FBXO38: variants seen among roughly 807,000 people sequenced by gnomAD.
The protein encoded by FBXO38 is F-box only protein 38.
In FBXO38, 53 loss-of-function variants were observed where a neutral mutation model predicts 131.9. The ratio of observed to expected loss-of-function variants is 0.40; its 90% confidence interval spans 0.32 to 0.51. FBXO38 has a LOEUF of 0.51. Ranked by LOEUF, FBXO38 falls within the 20% of genes least tolerant of loss-of-function variation. The pLI is 0.53. For missense variants in FBXO38, 1,076 were observed against 1,475.6 expected, an observed-to-expected ratio of 0.73 and a Z score of 4.44; for synonymous variants, 452 against 505.6, an observed-to-expected ratio of 0.89 and a Z score of 1.42.
rs915646541 is a variant in FBXO38 at position 148,425,609 on chromosome 5, T to G, written c.1826T>G (p.Leu609Arg). 1 of 1,613,880 alleles carries G rather than the reference T, an allele frequency of 6.2e-7. No individual in the cohort carries two copies. The highest frequency in any genetic ancestry group is 8.5e-7 in the Non-Finnish European group (1 of 1,179,804). Residue 609 changes from leucine to arginine, a missense_variant, in exon 14 of 22, where the codon CTC (leucine) becomes CGC (arginine). Physicochemically the swap from Leu to Arg is moderately radical, Grantham distance 102. Coordinates refer to ENST00000340253, the MANE Select transcript of FBXO38 (RefSeq NM_205836.3). Reference protein sequence around the residue: ...ESDDEEDSLELQEVWIPKNGT... With the variant: ...ESDDEEDSLERQEVWIPKNGT... ...GATGATGAAGAAGATAGTCTAGAAC[T>G]CCAAGAAGTCTGGATTCCTAAGAAC...
intron 3 of FBXO38, among the ~76,000 whole-genome samples, chr5:148,401,738 A>C (rs894109519): frequency 3.9e-5 from 6 of 152,180 alleles, no homozygotes; most frequent in African/African-American, 1.4e-4. Context: ...AGCAACAAAA[A>C]CCAAAAAGTC....
chr5:148,417,034 G>C lies in FBXO38; in HGVS notation c.1448G>C (p.Gly483Ala). 6.2e-7 allele frequency: 1 copy of C among 1,613,904 alleles called. No individual in the cohort carries two copies. Among genetic ancestry groups the C allele is most frequent in the Non-Finnish European group, 8.5e-7 (1 of 1,179,862 alleles). ...GGTCTGAGTGCAGGCACAGGAATTG[G>C]TGTTTCATCAGCTCTTGTTAGCAAC... ...RVGLSAGTGI[G>A]VSSALVSNQN... Residue 483 changes from glycine (G) to alanine (A), a missense_variant, in exon 12 of 22, where the codon GGT becomes GCT. By Grantham distance (60) the Gly-to-Ala change is moderately conservative. Coordinates refer to ENST00000340253, the MANE Select transcript of FBXO38 (RefSeq NM_205836.3).
rs758839843 is a variant in FBXO38, at chr5:148,410,718, A to G, written c.1046A>G (p.Gln349Arg). Residue 349 changes from glutamine (Q) to arginine (R), a missense_variant, in exon 9 of 22, where the codon CAG becomes CGG. Gln to Arg is a conservative substitution (Grantham distance 43, BLOSUM62 1). Around this residue, in one of 8 missense-constraint regions of FBXO38, gnomAD observed 146 missense variants for 274.3 expected, o/e 0.53. Transcript: ENST00000340253. Reference sequence around the variant, plus strand: ...AAGATGGCAGAGTTGGAGTTTCCCCAGTTTGAAACCCTTCATCTAGGATAT... The same window carrying G: ...AAGATGGCAGAGTTGGAGTTTCCCCGGTTTGAAACCCTTCATCTAGGATAT... Reference protein sequence around the residue: ...ALKMAELEFPQFETLHLGYVD... With the variant: ...ALKMAELEFPRFETLHLGYVD... 2 of 1,614,022 alleles carry G rather than the reference A, an allele frequency of 1.2e-6. No homozygotes were observed. The highest frequency in any genetic ancestry group is 8.5e-7 in the Non-Finnish European group (1 of 1,179,930).
chr5:148,436,995 G>T (rs1010972062), intron 17 of FBXO38, among the ~76,000 whole-genome samples: 1 of 152,186 alleles, frequency 6.6e-6, no homozygotes, highest in African/African-American at 2.4e-5. Flanking sequence ...CACCCTTTGA[G>T]CTCTGAGAAT....
At chr5:148,415,843 A>G (rs1581258780) in intron 10 of FBXO38, 85 bp from the exon 11 acceptor site, 1 of 1,382,180 alleles carries the variant, frequency 7.2e-7, no homozygotes, top group South Asian at 1.2e-5. Flanking sequence ...AAGGATTTGA[A>G]AGTCTTTGTG....
intron 7 of FBXO38, 85 bp from the exon 8 acceptor site, chr5:148,409,039 C>A: frequency 1.4e-6 from 1 of 710,158 alleles, no homozygotes; most frequent in Non-Finnish European, 2.5e-6. Context: ...ATTATCATCT[C>A]AGATAATACT....
At chr5:148,402,223 C>G (rs1007807522) in intron 4 of FBXO38, 78 bp downstream of exon 4, 1 of 1,551,086 alleles carries the variant, frequency 6.4e-7, no homozygotes, top group South Asian at 1.2e-5. Flanking sequence ...CGTGTTCACT[C>G]ACATGCAAAT....
chr5:148,401,783 A>G (rs1752166540), intron 3 of FBXO38, among the ~76,000 whole-genome samples, 199 bp from the exon 4 acceptor site: 1 of 152,210 alleles, frequency 6.6e-6, no homozygotes, highest in Non-Finnish European at 1.5e-5. Context: ...GTATTAACTT[A>G]GATTAAGTGG....
At chr5:148,395,633 C>G (rs984563043) in intron 2 of FBXO38, among the ~76,000 whole-genome samples, 1 of 151,904 alleles carries the variant, frequency 6.6e-6, no homozygotes, top group African/African-American at 2.4e-5. Context: ...TTTGCTAGCT[C>G]TAGACTAATG....
At chr5:148,414,086 A>T in intron 9 of FBXO38, 50 bp from the exon 10 acceptor site, 1 of 1,553,310 alleles carries the variant, frequency 6.4e-7, no homozygotes, top group Non-Finnish European at 8.7e-7. Context: ...AACACTCCCT[A>T]ACACTTAAGA....
intron 1 of FBXO38, among the ~76,000 whole-genome samples, chr5:148,391,647 C>T (rs1758200515): frequency 6.6e-6 from 1 of 152,174 alleles, no homozygotes; most frequent in Admixed American, 6.5e-5. Flanking sequence ...AAGATTGGAA[C>T]ATCTGGTGTT....
At chr5:148,387,082 TCTTC>T (rs983809462) in intron 1 of FBXO38, among the ~76,000 whole-genome samples, 3 of 152,190 alleles carry the variant, frequency 2.0e-5, no homozygotes, top group Non-Finnish European at 2.9e-5. Context: ...ATTGATTGGC[TCTTC>T]CTTCTAGGAA....
At position 148,414,118 on chromosome 5, in the gene FBXO38, A is replaced by G; in HGVS notation, c.1094-18A>G. 1 of 1,559,534 alleles carries G rather than the reference A, an allele frequency of 6.4e-7. No individual in the cohort carries two copies. On this transcript the variant is annotated intron_variant, in intron 9 of 21. Coordinates refer to ENST00000340253, the MANE Select transcript of FBXO38 (RefSeq NM_205836.3). Reference sequence around the variant, plus strand: ...AAGAATTTGACTTTTTTTTTTTTTAATTGATTGCTCTTTTTAGGCAGAATG... The same window carrying G: ...AAGAATTTGACTTTTTTTTTTTTTAGTTGATTGCTCTTTTTAGGCAGAATG...
chr5:148,426,378 C>T (rs1262361996), intron 14 of FBXO38, among the ~76,000 whole-genome samples: 2 of 152,190 alleles, frequency 1.3e-5, no homozygotes, highest in Non-Finnish European at 2.9e-5. Context: ...AACACTGACC[C>T]TGGAACATTT....
intron 2 of FBXO38, chr5:148,397,795 GT>G (rs1758557777): frequency 6.6e-6 from 1 of 152,106 alleles, no homozygotes; most frequent in South Asian, 2.1e-4. Flanking sequence ...CATTTTGCAG[GT>G]TTAATTCTTC....
chr5:148,392,123 G>T (rs1371891673), intron 1 of FBXO38, among the ~76,000 whole-genome samples: 1 of 152,202 alleles, frequency 6.6e-6, no homozygotes. Flanking sequence ...CTTATGGCAG[G>T]CATAGTGTCT....
rs1391706011 is a variant in FBXO38 at position 148,427,319 on chromosome 5, G to A, written c.2025G>A (p.Gln675=). 2 of 1,614,036 alleles carry A rather than the reference G, an allele frequency of 1.2e-6. No homozygotes were observed. The highest frequency in any genetic ancestry group is 3.3e-5 in the Admixed American group (2 of 59,996). Residue 675 remains glutamine (Q), a synonymous_variant, in exon 15 of 22, where the codon CAG becomes CAA. Transcript: ENST00000340253. The part of the protein sequence containing the change: ...LEESSCEKGC[Q]VTSEQIKADM... ...AAAGCAGCTGTGAGAAAGGCTGTCA[G>A]GTCACCAGTGAGCAGATCAAAGCCG...
intron 8 of FBXO38, chr5:148,410,220 A>G (rs909395650): frequency 1.2e-5 from 2 of 161,522 alleles, no homozygotes; most frequent in African/African-American, 2.4e-5. Context: ...CTCATCTTGC[A>G]GCTCCCATAA....
At chr5:148,436,711 C>G (rs1031469280) in intron 17 of FBXO38, among the ~76,000 whole-genome samples, 1 of 152,158 alleles carries the variant, frequency 6.6e-6, no homozygotes, top group African/African-American at 2.4e-5. Context: ...AGAGATGAAA[C>G]TGAGATTCAA....
Sources: gnomAD v4.1 joint callset for allele counts (sites outside exome capture counted in the v4.1 genomes callset) on GRCh38, gnomAD v4.1.1 for gene constraint, gnomAD v4.1.1 regional missense constraint, MANE v1.5 for transcripts, NCBI Gene and HGNC (gene_info 2026-07-23, HGNC 2026-07-21) for gene names.